AKAP8L: variants seen among roughly 807,000 people sequenced by gnomAD.
AKAP8L encodes the protein A-kinase anchoring protein 8 like.
AKAP8L carries 34 observed loss-of-function variants against 77.5 expected under a neutral mutation model. The ratio of observed to expected loss-of-function variants is 0.44; its 90% confidence interval spans 0.33 to 0.58. The LOEUF is 0.58. Ranked by LOEUF, AKAP8L falls within the 20% of genes least tolerant of loss-of-function variation. AKAP8L has a pLI of 0.02. For synonymous variants in AKAP8L, 342 were observed against 340.7 expected, an observed-to-expected ratio of 1.00 and a Z score of -0.04; for missense variants, 806 against 887.6, an observed-to-expected ratio of 0.91 and a Z score of 1.17.
intron 12 of AKAP8L, among the ~76,000 whole-genome samples, chr19:15,384,402 C>T (rs952713893): frequency 2.0e-5 from 3 of 150,690 alleles, no homozygotes; most frequent in South Asian, 2.1e-4. Flanking sequence ...CAGGTTCAAG[C>T]GATTCTCCTG....
At chr19:15,400,399 T>A in intron 7 of AKAP8L, 41 bp from the exon 8 acceptor site, 2 of 1,574,552 alleles carry the variant, frequency 1.3e-6, no homozygotes, top group Non-Finnish European at 1.7e-6. Flanking sequence ...GGTGCCTTTT[T>A]TTTTTTTTTT....
chr19:15,380,405 G>A lies in AKAP8L; in HGVS notation c.1658C>T (p.Pro553Leu), dbSNP rs1459737311. The A allele has an allele frequency of 6.3e-7, 1 of 1,595,880 alleles. No individual in the cohort carries two copies. Among genetic ancestry groups the A allele is most frequent in the East Asian group, 2.3e-5 (1 of 44,318 alleles). The stretch of plus-strand genomic sequence containing the variant: ...CTCCTCCTGCTCCTTCTCCTCCTCG[G>A]GGCTGTCGGTGAAAGGGTTCTCGCC... ...LKGENPFTDSPEEEKEQEEAE... is the reference protein window; with the variant it reads ...LKGENPFTDSLEEEKEQEEAE... The change falls in exon 14 of 14, where the codon CCC (proline) becomes CTC (leucine). Residue 553 changes from proline to leucine, a missense_variant. By Grantham distance (98) the Pro-to-Leu change is moderately conservative (BLOSUM62 -3). Around this residue, in one of 2 missense-constraint regions of AKAP8L, gnomAD observed 226 missense variants for 193.5 expected, o/e 1.17. Coordinates refer to ENST00000397410, the MANE Select transcript of AKAP8L (RefSeq NM_014371.4).
intron 1 of AKAP8L, 105 bp downstream of exon 1, chr19:15,418,806 G>A (rs547011593): frequency 4.7e-5 from 53 of 1,138,856 alleles, no homozygotes; most frequent in Admixed American, 6.0e-5. Flanking sequence ...CCGCAGGGAA[G>A]GCAGTGACGG....
intron 2 of AKAP8L, among the ~76,000 whole-genome samples, chr19:15,410,128 A>C (rs1235224851): frequency 1.3e-5 from 2 of 152,158 alleles, no homozygotes; most frequent in Non-Finnish European, 2.9e-5. Context: ...ATTTTAGTAT[A>C]GATGGCATTT....
chr19:15,404,256 A>T, intron 2 of AKAP8L: 1 of 578,826 alleles, frequency 1.7e-6, no homozygotes, highest in Non-Finnish European at 3.1e-6. Context: ...CTGTTATTTA[A>T]GGATCCTTCT....
chr19:15,399,120 G>A lies in AKAP8L; in HGVS notation c.1157+182C>T. The A allele has an allele frequency of 3.2e-6, 2 of 620,040 alleles. No individual in the cohort carries two copies. The highest frequency in any genetic ancestry group is 5.6e-6 in the Non-Finnish European group (2 of 354,744). The allele number at this position is 620,040 out of a possible 1,614,324, so 38.4% of individuals were successfully genotyped here. On this transcript the variant is annotated intron_variant, in intron 9 of 13. Coordinates refer to ENST00000397410, the MANE Select transcript of AKAP8L (RefSeq NM_014371.4). This position sits in a 1 kb window ranked among gnomAD's most constrained non-coding sequence, Gnocchi z 6.1. ...GCGGTCGCCAGGCGGCCGCAGAGGG[G>A]CAGGGGATGAGTCAGGCCTTGGGAG...
At position 15,403,355 on chromosome 19, in the gene AKAP8L, G is replaced by T; in HGVS notation, c.362+120C>A. ...GCAACGGACCCTGCTGGGAGCCACAGCAGCACCAAGCAGCGGGGAGGAAGC... is the reference window on the plus strand; with the variant it reads ...GCAACGGACCCTGCTGGGAGCCACATCAGCACCAAGCAGCGGGGAGGAAGC... On this transcript the variant is annotated intron_variant, in intron 4 of 13. Coordinates refer to ENST00000397410, the MANE Select transcript of AKAP8L (RefSeq NM_014371.4). The surrounding 1 kb of genome is among the most constrained non-coding windows in gnomAD (Gnocchi z 4.3). 2.1e-6 allele frequency: 2 copies of T among 957,270 alleles called. No individual in the cohort carries two copies. The highest frequency in any genetic ancestry group is 1.6e-6 in the Non-Finnish European group (1 of 613,798). The allele number at this position is 957,270 out of a possible 1,614,324, so 59.3% of individuals were successfully genotyped here. A position where few individuals can be genotyped will look rare whatever the true frequency, so the allele number is the denominator to read the frequency against.
chr19:15,387,651 A>C (rs542226887), intron 12 of AKAP8L, among the ~76,000 whole-genome samples: 4 of 152,194 alleles, frequency 2.6e-5, no homozygotes, highest in African/African-American at 9.6e-5. Context: ...TAAATCTCAA[A>C]CAACCACCTC....
At chr19:15,404,112 A>G (rs1165166917) in intron 2 of AKAP8L, 70 bp from the exon 3 acceptor site, 2 of 1,527,546 alleles carry the variant, frequency 1.3e-6, no homozygotes, top group Admixed American at 3.4e-5. Context: ...AGGCGCAGAC[A>G]ATTATTCCCA....
In AKAP8L at chr19:15,394,114, G is replaced by C. The variant is rs116908937; in HGVS notation, c.1536+3036C>G. Among the ~76,000 whole-genome samples, 6 of 152,148 alleles carry C rather than the reference G, an allele frequency of 3.9e-5. No homozygotes were observed. The East Asian group carries it at 1.2e-3, about 29-fold the overall frequency. On this transcript the variant is annotated intron_variant, in intron 12 of 13. Transcript: ENST00000397410. ...AAAACATATGTCCACATAAAAACTT[G>C]CACAATAATGTTTCTAAGAGCATTA...
chr19:15,396,339 A>C (rs1323480634), intron 12 of AKAP8L, among the ~76,000 whole-genome samples: 1 of 151,762 alleles, frequency 6.6e-6, no homozygotes, highest in African/African-American at 2.4e-5. Flanking sequence ...CTGCCCATAC[A>C]CAGCCCCTTC....
At chr19:15,412,512 A>T (rs1968124195) in intron 1 of AKAP8L, among the ~76,000 whole-genome samples, 2 of 152,238 alleles carry the variant, frequency 1.3e-5, no homozygotes, top group Admixed American at 6.5e-5. Context: ...TTAAAACTAC[A>T]TTAAAAAAAG....
At chr19:15,405,064 CCT>C (rs1221847932) in intron 2 of AKAP8L, among the ~76,000 whole-genome samples, 1 of 152,210 alleles carries the variant, frequency 6.6e-6, no homozygotes, top group Non-Finnish European at 1.5e-5. Flanking sequence ...TTATGTATCC[CCT>C]GAGCACAGGG....
rs1480058367 is a variant in AKAP8L, at chr19:15,398,894, C to A, written c.1157+408G>T. 3.6e-6 allele frequency: 3 copies of A among 823,036 alleles called. No individual in the cohort carries two copies. The highest frequency in any genetic ancestry group is 1.8e-5 in the African/African-American group (1 of 54,116). 51.0% of individuals were successfully genotyped at this position (823,036 alleles called of 1,614,324 possible). On this transcript the variant is annotated intron_variant, in intron 9 of 13. Coordinates refer to ENST00000397410, the MANE Select transcript of AKAP8L (RefSeq NM_014371.4). This position sits in a 1 kb window ranked among gnomAD's most constrained non-coding sequence, Gnocchi z 9.2. ...CCACAGCCCACAGGTGCTGCCATCT[C>A]TCCTGGGCACGGCGGTGGCCTCTTG...
In AKAP8L at chr19:15,397,955, C is replaced by T; in HGVS notation, c.1158-100G>A. ...GACACAAGCCCTGAAACAGGCCTTG[C>T]TCACGGGCCTCTGAAGTACGGTCCC... On this transcript the variant is annotated intron_variant, in intron 9 of 13. Transcript: ENST00000397410. This position sits in a 1 kb window ranked among gnomAD's most constrained non-coding sequence, Gnocchi z 4.7. 1.4e-6 allele frequency: 2 copies of T among 1,431,856 alleles called. No individual in the cohort carries two copies. The highest frequency in any genetic ancestry group is 1.3e-5 in the South Asian group (1 of 77,810). The allele number at this position is 1,431,856 out of a possible 1,614,324, so 88.7% of individuals were successfully genotyped here.
rs551394979 is a variant in AKAP8L at position 15,399,995 on chromosome 19, G to A, written c.1048+300C>T. 19 of 508,680 alleles carry A rather than the reference G, an allele frequency of 3.7e-5. No individual in the cohort carries two copies. Among genetic ancestry groups the A allele is most frequent in the Non-Finnish European group, 6.7e-5 (19 of 283,980 alleles). The allele number at this position is 508,680 out of a possible 1,614,324, so 31.5% of individuals were successfully genotyped here. A position where few individuals can be genotyped will look rare whatever the true frequency, so the allele number is the denominator to read the frequency against. On this transcript the variant is annotated intron_variant, in intron 8 of 13. Transcript: ENST00000397410. The surrounding 1 kb of genome is among the most constrained non-coding windows in gnomAD (Gnocchi z 6.1). ...TGGAACTGCGCGTTACTGAGGGACCGAGGGCAGGGGGCGTGCCTGGGGTTC... is the reference window on the plus strand; with the variant it reads ...TGGAACTGCGCGTTACTGAGGGACCAAGGGCAGGGGGCGTGCCTGGGGTTC...
intron 12 of AKAP8L, among the ~76,000 whole-genome samples, chr19:15,395,901 G>T (rs1013551230): frequency 7.1e-6 from 1 of 141,288 alleles, no homozygotes; most frequent in Non-Finnish European, 1.5e-5. Context: ...GGAGAATGGC[G>T]TGAACCCGGG....
chr19:15,388,807 T>C (rs1452408116), intron 12 of AKAP8L, among the ~76,000 whole-genome samples: 2 of 150,660 alleles, frequency 1.3e-5, no homozygotes, highest in African/African-American at 2.5e-5. Context: ...TCCCAGCTAC[T>C]CCGGAGGCTG....
intron 12 of AKAP8L, among the ~76,000 whole-genome samples, chr19:15,392,364 C>T (rs1007702608): frequency 9.2e-5 from 14 of 151,914 alleles, no homozygotes; most frequent in African/African-American, 2.9e-4. Context: ...GGCATAGTGG[C>T]ACATGCCTGT....
Sources: gnomAD v4.1 joint callset for allele counts (sites outside exome capture counted in the v4.1 genomes callset) on GRCh38, gnomAD v4.1.1 for gene constraint, gnomAD v4.1.1 regional missense constraint, Gnocchi (gnomAD v3.1) non-coding constraint, MANE v1.5 for transcripts, NCBI Gene and HGNC (gene_info 2026-07-23, HGNC 2026-07-21) for gene names.